The following ZNF124 variants were observed in gnomAD, a reference collection of about 807,000 sequenced individuals.
ZNF124 encodes zinc finger protein HZF-16.
ZNF124 carries 25 observed loss-of-function variants against 26.6 expected under a neutral mutation model. That is an observed-to-expected ratio of 0.94 (90% CI 0.68 to 1.31). The LOEUF (loss-of-function observed/expected upper bound fraction) is 1.31. Ranked by LOEUF, ZNF124 falls within the 40% of genes most tolerant of loss-of-function variation. The pLI is 0.00. For missense variants in ZNF124, 444 were observed against 422.2 expected (o/e 1.05, Z -0.45); for synonymous variants, 129 against 133.3 (o/e 0.97, Z 0.22).
rs144390860 is a variant in ZNF124 at position 247,126,130 on chromosome 1, C to G, written c.219-2259G>C. Among the ~76,000 whole-genome samples, 409 of 151,842 alleles carry G rather than the reference C, an allele frequency of 2.7e-3. 1 individual carries two copies. In the Middle Eastern group the frequency reaches 0.034, roughly 13 times the overall value. ...ACAAAAATTATTATTATATTGTACC[C>G]TATTTTAAATATCATATATATTATT... On this transcript the variant is annotated intron_variant, in intron 3 of 3. Coordinates refer to the ZNF124 transcript ENST00000472531.
chr1:247,156,950 A>G lies in ZNF124; in HGVS notation c.672T>C (p.His224=), dbSNP rs1200400120. Residue 224 remains histidine, a synonymous_variant, in exon 4 of 4, where the codon CAT becomes CAC. Transcript: ENST00000543802. ...AFRYSNCLHY[H]ERTHTGEKPY... is the part of the protein sequence containing the mutation. ...GTTTCTCTCCAGTGTGAGTTCTTTC[A>G]TGGTAATGAAGGCAATTGGAGTAAC... 2 of 1,613,314 alleles carry G rather than the reference A, an allele frequency of 1.2e-6. No individual in the cohort carries two copies. The highest frequency in any genetic ancestry group is 1.7e-6 in the Non-Finnish European group (2 of 1,179,520).
At chr1:247,141,269 T>C (rs1217549066) in intron 3 of ZNF124, among the ~76,000 whole-genome samples, 1 of 151,270 alleles carries the variant, frequency 6.6e-6, no homozygotes, top group Non-Finnish European at 1.5e-5. Context: ...TGTTCATTCA[T>C]TTGTCTGAGG....
chr1:247,137,327 C>A (rs1004060357), intron 3 of ZNF124, among the ~76,000 whole-genome samples: 8 of 148,964 alleles, frequency 5.4e-5, no homozygotes, highest in Non-Finnish European at 1.2e-4. Flanking sequence ...ATGTAAAATC[C>A]AAAACCATAA....
chr1:247,132,686 A>G (rs997994162), intron 3 of ZNF124, among the ~76,000 whole-genome samples: 4 of 152,234 alleles, frequency 2.6e-5, no homozygotes, highest in African/African-American at 9.6e-5. Context: ...CCTGGTAGTT[A>G]AAGATCGACC....
downstream of ZNF124, among the ~76,000 whole-genome samples, chr1:247,154,036 C>T (rs1308943946): frequency 6.6e-6 from 1 of 152,212 alleles, no homozygotes; most frequent in African/African-American, 2.4e-5. Flanking sequence ...TGCTTTCCTA[C>T]ACAACAATCA....
chr1:247,156,618 T>C lies in ZNF124; in HGVS notation c.1004A>G (p.Lys335Arg), dbSNP rs1349442743. 1.9e-6 allele frequency: 3 copies of C among 1,573,552 alleles called. No homozygotes were observed. The highest frequency in any genetic ancestry group is 2.8e-5 in the African/African-American group (2 of 72,536). Residue 335 changes from lysine (K) to arginine (R), a missense_variant, in exon 4 of 4, where the codon AAG (lysine) becomes AGG (arginine). By Grantham distance (26) the Lys-to-Arg change is conservative (BLOSUM62 2). Coordinates refer to ENST00000543802, the MANE Select transcript of ZNF124 (RefSeq NM_001297568.2). The part of the protein sequence containing the change: ...KAFSRASTLW[K>R]HKKTHTGEKP... The stretch of plus-strand genomic sequence containing the variant: ...TTCTCCAGTATGAGTTTTTTTATGC[T>C]TCCAAAGGGTACTAGCACGACTAAA...
chr1:247,144,426 T>G (rs1672708120), intron 3 of ZNF124, among the ~76,000 whole-genome samples: 1 of 152,186 alleles, frequency 6.6e-6, no homozygotes, highest in African/African-American at 2.4e-5. Flanking sequence ...TACTACAAAC[T>G]AGGCTTGGGG....
At chr1:247,161,591 C>T (rs1161067134) in intron 1 of ZNF124, among the ~76,000 whole-genome samples, 2 of 150,354 alleles carry the variant, frequency 1.3e-5, no homozygotes, top group African/African-American at 2.4e-5. Flanking sequence ...TAAAAATCTG[C>T]AATACATGCA....
chr1:247,139,058 G>T (rs1168852834), intron 3 of ZNF124, among the ~76,000 whole-genome samples: 1 of 152,108 alleles, frequency 6.6e-6, no homozygotes, highest in Admixed American at 6.5e-5. Context: ...TGCCTTTCTG[G>T]ACTGAACCGA....
intron 2 of ZNF124, among the ~76,000 whole-genome samples, 195 bp from the exon 3 acceptor site, chr1:247,159,261 G>A (rs1320583958): frequency 6.6e-6 from 1 of 152,196 alleles, no homozygotes; most frequent in Non-Finnish European, 1.5e-5. Context: ...GCTTGGGAAT[G>A]CATGTTTTCT....
rs1673103836 is a variant in ZNF124, at chr1:247,155,900, T to TC, written c.*665dup. The TC allele has an allele frequency of 1.1e-6, 1 of 928,076 alleles. No homozygotes were observed. Among genetic ancestry groups the TC allele is most frequent in the South Asian group, 4.9e-5 (1 of 20,210 alleles). 57.5% of individuals were successfully genotyped at this position (928,076 alleles called of 1,614,324 possible). On this transcript the variant is annotated 3_prime_UTR_variant, in exon 4 of 4. Transcript: ENST00000543802. Reference sequence around the variant, plus strand: ...AAGTCTCACCTCAATTTTTTTTTTTTCAAAAGAAGTGAAAATCTATATTCT... The same window carrying TC: ...AAGTCTCACCTCAATTTTTTTTTTTTCCAAAAGAAGTGAAAATCTATATTCT...
chr1:247,145,902 C>T (rs113032785), intron 3 of ZNF124, among the ~76,000 whole-genome samples: 7,783 of 152,224 alleles, frequency 0.051, 243 homozygotes, highest in African/African-American at 0.079. Context: ...GGATTACAGG[C>T]GTGAGCCACT....
At position 247,172,013 on chromosome 1, in the gene ZNF124, G is replaced by A. The variant is rs1373701664; in HGVS notation, c.-136C>T. On this transcript the variant is annotated 5_prime_UTR_variant, in exon 1 of 4. Transcript: ENST00000543802. Reference sequence around the variant, plus strand: ...CGCACGTGCGGGCACGAGAGACAAAGGCCGGGCACACCCGGAAGCCGCCTC... The same window carrying A: ...CGCACGTGCGGGCACGAGAGACAAAAGCCGGGCACACCCGGAAGCCGCCTC... 8.7e-5 allele frequency: 4 copies of A among 46,072 alleles called. No individual in the cohort carries two copies. Among genetic ancestry groups the A allele is most frequent in the East Asian group, 1.1e-3 (2 of 1,752 alleles). 2.9% of individuals were successfully genotyped at this position (46,072 alleles called of 1,614,324 possible). A position where few individuals can be genotyped will look rare whatever the true frequency, so the allele number is the denominator to read the frequency against.
At chr1:247,131,283 G>C (rs180778333) in intron 3 of ZNF124, among the ~76,000 whole-genome samples, 1 of 152,106 alleles carries the variant, frequency 6.6e-6, no homozygotes, top group African/African-American at 2.4e-5. Flanking sequence ...TGGGGAAACT[G>C]CTATTTCCAT....
Position 247,155,809 on chromosome 1 carries a change from T to C in ZNF124, c.*757A>G, listed in dbSNP as rs12407350. On this transcript the variant is annotated 3_prime_UTR_variant, in exon 4 of 4. Coordinates refer to ENST00000543802, the MANE Select transcript of ZNF124 (RefSeq NM_001297568.2). Reference sequence around the variant, plus strand: ...CTGGGAGGCAGAGCTTACAGTGAACTGAGATTGTGCCACTGCACACCAGCC... The same window carrying C: ...CTGGGAGGCAGAGCTTACAGTGAACCGAGATTGTGCCACTGCACACCAGCC... The C allele has an allele frequency of 0.096, 50,066 of 519,550 alleles. 2,795 individuals are homozygous for C. The highest frequency in any genetic ancestry group is 0.19 in the African/African-American group (8,665 of 46,186). 32.2% of individuals were successfully genotyped at this position (519,550 alleles called of 1,614,324 possible). A position where few individuals can be genotyped will look rare whatever the true frequency, so the allele number is the denominator to read the frequency against.
At chr1:247,128,562 G>A (rs1245721226) in intron 3 of ZNF124, among the ~76,000 whole-genome samples, 2 of 150,142 alleles carry the variant, frequency 1.3e-5, no homozygotes, top group East Asian at 4.0e-4. Flanking sequence ...ACCGAGAGGA[G>A]TCTCCTGGGA....
At chr1:247,123,916 C>T (rs1672141487) in intron 3 of ZNF124, 1 of 702,108 alleles carries the variant, frequency 1.4e-6, no homozygotes, top group Non-Finnish European at 2.6e-6. Context: ...GGCAGCAACT[C>T]TTCATCCCTT....
chr1:247,158,477 T>C (rs534646482), intron 3 of ZNF124, among the ~76,000 whole-genome samples: 3 of 152,336 alleles, frequency 2.0e-5, no homozygotes, highest in Admixed American at 2.0e-4. Flanking sequence ...TCAGCCTAGG[T>C]ATTCCTTTAT....
intron 3 of ZNF124, among the ~76,000 whole-genome samples, chr1:247,130,727 A>C (rs754960149): frequency 3.9e-5 from 6 of 152,220 alleles, no homozygotes; most frequent in Non-Finnish European, 5.9e-5. Context: ...ACATACATAA[A>C]AGCAGAGTTT....
Sources: gnomAD v4.1 joint callset for allele counts (sites outside exome capture counted in the v4.1 genomes callset) on GRCh38, gnomAD v4.1.1 for gene constraint, MANE v1.5 for transcripts, NCBI Gene and HGNC (gene_info 2026-07-23, HGNC 2026-07-21) for gene names.